The following PWWP2B variants were observed in gnomAD, a reference collection of about 807,000 sequenced individuals.
The protein encoded by PWWP2B is PWWP domain-containing protein 2B.
A neutral mutation model predicts 15.5 loss-of-function variants in PWWP2B; 9 were observed. The ratio of observed to expected loss-of-function variants is 0.58; its 90% CI spans 0.35 to 1.02. PWWP2B has a LOEUF of 1.02. PWWP2B is among the 50% of genes least tolerant of loss of function. The probability of loss-of-function intolerance (pLI) is 0.02; values close to 1 mark genes in which losing one functional copy is unlikely to be tolerated. For synonymous variants in PWWP2B, 474 were observed against 403.6 expected, an observed-to-expected ratio of 1.17 and a Z score of -2.09; for missense variants, 864 against 865.3, an observed-to-expected ratio of 1.00 and a Z score of 0.02.
Position 132,405,461 on chromosome 10 carries a change from C to T in PWWP2B, c.961C>T (p.Pro321Ser), listed in dbSNP as rs1309657269. The change falls in exon 2 of 3, where the codon CCT becomes TCT. Residue 321 changes from proline (P) to serine (S), a missense_variant. Coordinates refer to ENST00000305233, the MANE Select transcript of PWWP2B (RefSeq NM_138499.4). ...ASIPKLKLTR[P>S]VPAGADLPPP... ...CATCCCCAAGTTGAAACTGACACGG[C>T]CTGTGCCGGCCGGCGCGGACCTGCC... 5 of 1,607,038 alleles carry T rather than the reference C, an allele frequency of 3.1e-6. No homozygotes were observed. The highest frequency in any genetic ancestry group is 1.7e-5 in the Admixed American group (1 of 59,930).
intron 2 of PWWP2B, among the ~76,000 whole-genome samples, chr10:132,416,704 T>TG (rs1564879359): frequency 6.6e-6 from 1 of 152,014 alleles, no homozygotes; most frequent in Non-Finnish European, 1.5e-5. Flanking sequence ...GAGTCATGTA[T>TG]GGGGGTCCTT....
intron 1 of PWWP2B, among the ~76,000 whole-genome samples, chr10:132,400,648 G>A (rs942910888): frequency 2.0e-5 from 3 of 152,322 alleles, no homozygotes; most frequent in East Asian, 1.9e-4. Context: ...CCCTTTTCCC[G>A]CATGCTGTCC....
Position 132,404,669 on chromosome 10 carries a change from G to A in PWWP2B, c.169G>A (p.Val57Ile). 1 of 1,612,808 alleles carries A rather than the reference G, an allele frequency of 6.2e-7. No individual in the cohort carries two copies. Among genetic ancestry groups the A allele is most frequent in the South Asian group, 1.1e-5 (1 of 91,074 alleles). ...ACCCCCGTTGGCTCCGCTGCCCCAGGTCGATGAGTCCCCTGTCAACGACAG... is the reference window on the plus strand; with the variant it reads ...ACCCCCGTTGGCTCCGCTGCCCCAGATCGATGAGTCCCCTGTCAACGACAG... ...GLPPLAPLPQ[V>I]DESPVNDSHG... Residue 57 changes from valine to isoleucine, a missense_variant, in exon 2 of 3, where the codon GTC (valine) becomes ATC (isoleucine). By Grantham distance (29) the Val-to-Ile change is conservative. Transcript: ENST00000305233.
chr10:132,415,154 A>AT (rs1031580202), intron 2 of PWWP2B, among the ~76,000 whole-genome samples: 5 of 152,062 alleles, frequency 3.3e-5, no homozygotes, highest in African/African-American at 1.2e-4. Context: ...GGCTTTTTCT[A>AT]TGGAAGATGA....
intron 2 of PWWP2B, among the ~76,000 whole-genome samples, chr10:132,411,666 T>C (rs2069782966): frequency 6.6e-6 from 1 of 152,226 alleles, no homozygotes; most frequent in African/African-American, 2.4e-5. Context: ...GAAATAAAGA[T>C]AATAATCAGG....
In PWWP2B at chr10:132,404,629, C is replaced by T. The variant is rs779627046; in HGVS notation, c.129C>T (p.Ser43=). Residue 43 remains serine, a synonymous_variant, in exon 2 of 3, where the codon TCC becomes TCT. Coordinates refer to ENST00000305233, the MANE Select transcript of PWWP2B (RefSeq NM_138499.4). The part of the protein sequence containing the change: ...AGILLDCTKK[S]GLFGLPPLAP... ...GTTTCTCTCTCTCCATTGCCAGGTC[C>T]GGCCTCTTTGGCCTACCCCCGTTGG... The T allele has an allele frequency of 7.8e-5, 126 of 1,612,442 alleles. No homozygotes were observed. In the Admixed American group the frequency reaches 1.0e-3, roughly 13 times the overall value.
Position 132,405,598 on chromosome 10 carries a change from G to C in PWWP2B, c.1098G>C (p.Pro366=), listed in dbSNP as rs201726261. Residue 366 remains proline (P), a synonymous_variant, in exon 2 of 3, where the codon CCG becomes CCC. Coordinates refer to ENST00000305233, the MANE Select transcript of PWWP2B (RefSeq NM_138499.4). The part of the protein sequence containing the change: ...ELNGYLRDSS[P]APCADGPAGG... ...ACGGGTACCTGCGGGACAGCTCGCCGGCGCCCTGTGCGGACGGCCCTGCCG... is the reference window on the plus strand; with the variant it reads ...ACGGGTACCTGCGGGACAGCTCGCCCGCGCCCTGTGCGGACGGCCCTGCCG... 3.2e-5 allele frequency: 52 copies of C among 1,610,820 alleles called. 1 individual carries two copies. The highest frequency in any genetic ancestry group is 1.9e-4 in the South Asian group (17 of 91,080).
chr10:132,400,112 G>A (rs1307762348), intron 1 of PWWP2B, among the ~76,000 whole-genome samples: 5 of 152,190 alleles, frequency 3.3e-5, no homozygotes, highest in African/African-American at 1.2e-4. Flanking sequence ...CTGCACTGCT[G>A]GGGGCTGCTC....
At chr10:132,407,040 G>C (rs567114270) in intron 2 of PWWP2B, among the ~76,000 whole-genome samples, 46 of 152,246 alleles carry the variant, frequency 3.0e-4, no homozygotes, top group African/African-American at 1.1e-3. Flanking sequence ...TCTGTGCCTG[G>C]GGGGCACTAC....
chr10:132,406,216 T>A lies in PWWP2B; in HGVS notation c.1716T>A (p.Asn572Lys), dbSNP rs1321087342. The change falls in exon 2 of 3, where the codon AAT (asparagine) becomes AAA (lysine). Residue 572 changes from asparagine (N) to lysine (K), a missense_variant. Transcript: ENST00000305233. ...GGAAAGCTATAACCGAGGCTGCAAA[T>A]GCCGCAAGACACGTGGCCCCGGAAA... ...MYRKAITEAA[N>K]AARHVAPEIR... is the part of the protein sequence containing the mutation. 1 of 1,612,910 alleles carries A rather than the reference T, an allele frequency of 6.2e-7. No individual in the cohort carries two copies. Among genetic ancestry groups the A allele is most frequent in the East Asian group, 2.2e-5 (1 of 44,870 alleles).
Position 132,417,064 on chromosome 10 carries a change from A to C in PWWP2B, c.*20A>C. On this transcript the variant is annotated 3_prime_UTR_variant, in exon 3 of 3. Coordinates refer to ENST00000305233, the MANE Select transcript of PWWP2B (RefSeq NM_138499.4). ...CCCCTTTTTGCTTTCCCCCAAGGTCACCGACGATGAGGGCGCACCTGCTGT... is the reference window on the plus strand; with the variant it reads ...CCCCTTTTTGCTTTCCCCCAAGGTCCCCGACGATGAGGGCGCACCTGCTGT... The C allele has an allele frequency of 6.2e-7, 1 of 1,613,654 alleles. No homozygotes were observed. Among genetic ancestry groups the C allele is most frequent in the Admixed American group, 1.7e-5 (1 of 60,004 alleles).
At position 132,404,679 on chromosome 10, in the gene PWWP2B, C is replaced by A. The variant is rs763169899; in HGVS notation, c.179C>A (p.Ser60Tyr). 6.8e-6 allele frequency: 11 copies of A among 1,612,620 alleles called. No homozygotes were observed. The highest frequency in any genetic ancestry group is 5.3e-5 in the African/African-American group (4 of 74,888). ...GCTCCGCTGCCCCAGGTCGATGAGT[C>A]CCCTGTCAACGACAGCCATGGCCGG... ...PLAPLPQVDE[S>Y]PVNDSHGRAP... Residue 60 changes from serine (S) to tyrosine (Y), a missense_variant, in exon 2 of 3, where the codon TCC becomes TAC. Around this residue, in one of 2 missense-constraint regions of PWWP2B, gnomAD observed 736 missense variants for 687.7 expected, o/e 1.07. Coordinates refer to ENST00000305233, the MANE Select transcript of PWWP2B (RefSeq NM_138499.4).
chr10:132,410,977 A>G (rs1404444685), intron 2 of PWWP2B, among the ~76,000 whole-genome samples: 3 of 152,168 alleles, frequency 2.0e-5, no homozygotes, highest in Non-Finnish European at 4.4e-5. Flanking sequence ...CTCCGTCAGC[A>G]GTTGGGAGCA....
chr10:132,409,166 C>T (rs1195002723), intron 2 of PWWP2B, among the ~76,000 whole-genome samples: 1 of 152,210 alleles, frequency 6.6e-6, no homozygotes, highest in Non-Finnish European at 1.5e-5. Flanking sequence ...CGCACTCCAC[C>T]CCGGTGGTCA....
intron 1 of PWWP2B, among the ~76,000 whole-genome samples, chr10:132,402,197 G>A (rs2069623544): frequency 6.6e-6 from 1 of 152,258 alleles, no homozygotes; most frequent in Non-Finnish European, 1.5e-5. Context: ...CTGGGGCAAG[G>A]GATGGGGCTG....
intron 2 of PWWP2B, among the ~76,000 whole-genome samples, chr10:132,409,404 G>T (rs2069747488): frequency 6.6e-6 from 1 of 152,214 alleles, no homozygotes; most frequent in African/African-American, 2.4e-5. Context: ...CACCGGACAT[G>T]CAGGGTCAGG....
intron 2 of PWWP2B, among the ~76,000 whole-genome samples, chr10:132,414,723 G>A (rs1363030933): frequency 6.6e-6 from 1 of 152,202 alleles, no homozygotes; most frequent in East Asian, 1.9e-4. Flanking sequence ...TTGTGTGACC[G>A]GCTCTAATCC....
At chr10:132,406,416 TG>T in intron 2 of PWWP2B, 127 bp downstream of exon 2, 1 of 808,282 alleles carries the variant, frequency 1.2e-6, no homozygotes, top group Non-Finnish European at 1.9e-6. Context: ...CTGGCTTGCT[TG>T]GGGCCCCAGC....
At chr10:132,407,537 G>C (rs1337466431) in intron 2 of PWWP2B, among the ~76,000 whole-genome samples, 1 of 152,220 alleles carries the variant, frequency 6.6e-6, no homozygotes, top group East Asian at 1.9e-4. Flanking sequence ...GCGTATTGGG[G>C]TTCCGGCGGA....
Sources: gnomAD v4.1 joint callset for allele counts (sites outside exome capture counted in the v4.1 genomes callset) on GRCh38, gnomAD v4.1.1 for gene constraint, gnomAD v4.1.1 regional missense constraint, MANE v1.5 for transcripts, NCBI Gene and HGNC (gene_info 2026-07-23, HGNC 2026-07-21) for gene names.